Variants in ALG8 observed in about 807,000 individuals in gnomAD.
The protein encoded by ALG8 is dolichyl pyrophosphate Glc1Man9GlcNAc2 alpha-1,3-glucosyltransferase.
Under a neutral mutation model 70.2 loss-of-function variants are expected in ALG8, and 48 were observed. That is an observed-to-expected ratio of 0.68 (90% confidence interval 0.54 to 0.87). The LOEUF is 0.87. Ranked by LOEUF, ALG8 falls within the 40% of genes least tolerant of loss-of-function variation. The pLI is 0.00. For missense variants in ALG8, 572 were observed against 608.7 expected (o/e 0.94, Z 0.64); for synonymous variants, 234 against 229.0 (o/e 1.02, Z -0.20).
chr11:78,127,526 T>C, intron 1 of ALG8, 90 bp from the exon 2 acceptor site: 2 of 1,106,516 alleles, frequency 1.8e-6, no homozygotes, highest in South Asian at 1.3e-5. Flanking sequence ...TGGACTGACA[T>C]TCCCTAAGCT....
chr11:78,124,502 T>C (rs1860977900), intron 2 of ALG8, among the ~76,000 whole-genome samples: 1 of 152,214 alleles, frequency 6.6e-6, no homozygotes, highest in South Asian at 2.1e-4. Context: ...AAATATGCCC[T>C]AAATTAATAG....
chr11:78,139,016 C>A lies in ALG8; in HGVS notation c.95+478G>T, dbSNP rs528088351. ...TTTTTGAATTTCAACTCAAACATCA[C>A]CTTCTAAAGGAATAGCGCACAGCCA... On this transcript the variant is annotated intron_variant, in intron 1 of 12. Transcript: ENST00000299626. 1.2e-5 allele frequency: 4 copies of A among 347,372 alleles called. No individual in the cohort carries two copies. The East Asian group carries it at 3.0e-4, about 26-fold the overall frequency. The allele number at this position is 347,372 out of a possible 1,614,324, so 21.5% of individuals were successfully genotyped here.
At chr11:78,102,587 A>G (rs868405136) in intron 12 of ALG8, among the ~76,000 whole-genome samples, 5 of 152,214 alleles carry the variant, frequency 3.3e-5, no homozygotes, top group Admixed American at 6.5e-5. Flanking sequence ...TCACATGGCT[A>G]TAACTGCATT....
intron 2 of ALG8, among the ~76,000 whole-genome samples, chr11:78,126,294 G>A (rs1861070546): frequency 6.6e-6 from 1 of 152,118 alleles, no homozygotes; most frequent in Non-Finnish European, 1.5e-5. Context: ...AGTTTGGGAG[G>A]CCAAGGTGGG....
In ALG8 at chr11:78,116,039, G is replaced by T. The variant is rs867062213; in HGVS notation, c.547-1647C>A. Reference sequence around the variant, plus strand: ...TGCACTTGATACAAACACTACTTAGGAAAACTAAAGGTATTCTGATGTAAA... The same window carrying T: ...TGCACTTGATACAAACACTACTTAGTAAAACTAAAGGTATTCTGATGTAAA... On this transcript the variant is annotated intron_variant, in intron 5 of 12. Coordinates refer to ENST00000299626, the MANE Select transcript of ALG8 (RefSeq NM_024079.5). Among the ~76,000 whole-genome samples, 5 of 152,142 alleles carry T rather than the reference G, an allele frequency of 3.3e-5. No individual in the cohort carries two copies. In the South Asian group the frequency reaches 1.0e-3, roughly 31 times the overall value.
intron 9 of ALG8, among the ~76,000 whole-genome samples, chr11:78,109,222 C>A (rs1242840958): frequency 6.6e-6 from 1 of 152,146 alleles, no homozygotes; most frequent in Non-Finnish European, 1.5e-5. Flanking sequence ...GGTCTAACAG[C>A]CACTGGCAAG....
chr11:78,119,523 G>A (rs1447467428), intron 4 of ALG8, among the ~76,000 whole-genome samples: 2 of 150,564 alleles, frequency 1.3e-5, no homozygotes, highest in East Asian at 2.0e-4. Context: ...CTGCCTCCTG[G>A]GTCCAAGCGA....
chr11:78,128,959 T>G (rs887213559), intron 1 of ALG8, among the ~76,000 whole-genome samples: 1 of 151,992 alleles, frequency 6.6e-6, no homozygotes, highest in African/African-American at 2.4e-5. Context: ...TACTAAGTTG[T>G]GGAGACAGAC....
intron 1 of ALG8, among the ~76,000 whole-genome samples, chr11:78,134,339 T>C (rs559993548): frequency 6.4e-4 from 98 of 152,280 alleles, no homozygotes; most frequent in Middle Eastern, 3.4e-3. Flanking sequence ...GGTTTCCCCA[T>C]GTTGGCCAGG....
chr11:78,114,525 A>C, intron 5 of ALG8, 133 bp from the exon 6 acceptor site: 2 of 1,077,864 alleles, frequency 1.9e-6, no homozygotes, highest in Non-Finnish European at 2.7e-6. Flanking sequence ...AAATGCATCA[A>C]TATTGCTTTC....
chr11:78,124,214 C>T lies in ALG8; in HGVS notation c.175G>A (p.Ala59Thr). The T allele has an allele frequency of 6.2e-7, 1 of 1,613,888 alleles. No homozygotes were observed. Among genetic ancestry groups the T allele is most frequent in the African/African-American group, 1.3e-5 (1 of 74,994 alleles). ...TAATCCAACGTCCACTCTGAAGTTG[C>T]CTGTGATAAAAATAGAAGATCAGAC... ...SLPISQWYYE[A>T]TSEWTLDYPP... The change falls in exon 3 of 13, where the codon GCA becomes ACA. Residue 59 changes from alanine to threonine, a missense_variant and splice_region_variant. Transcript: ENST00000299626.
chr11:78,116,306 G>A (rs1281131136), intron 5 of ALG8, among the ~76,000 whole-genome samples: 1 of 152,142 alleles, frequency 6.6e-6, no homozygotes, highest in Non-Finnish European at 1.5e-5. Context: ...TGAGGTGGAG[G>A]TTGCAGTGAG....
intron 10 of ALG8, 53 bp downstream of exon 10, chr11:78,106,754 T>G: frequency 6.2e-7 from 1 of 1,610,212 alleles, no homozygotes; most frequent in Non-Finnish European, 8.5e-7. Flanking sequence ...AAATAGAAAA[T>G]AGGATCATTG....
Position 78,104,928 on chromosome 11 carries a change from C to T in ALG8, c.1179-475G>A, listed in dbSNP as rs525831. ...GCAGTGAGCCGAGATCGCGCCACTGCACTCCAGCCTGGGCAACAGAGCGAG... is the reference window on the plus strand; with the variant it reads ...GCAGTGAGCCGAGATCGCGCCACTGTACTCCAGCCTGGGCAACAGAGCGAG... On this transcript the variant is annotated intron_variant, in intron 10 of 12. Coordinates refer to ENST00000299626, the MANE Select transcript of ALG8 (RefSeq NM_024079.5). 6.6e-5 allele frequency among the ~76,000 whole-genome samples: 10 copies of T among 150,914 alleles called. No homozygotes were observed. The South Asian group carries it at 2.1e-3, about 32-fold the overall frequency.
rs747896000 is a variant in ALG8 at position 78,112,649 on chromosome 11, C to T, written c.898+1G>A. 1.9e-6 allele frequency: 3 copies of T among 1,613,604 alleles called. No homozygotes were observed. The highest frequency in any genetic ancestry group is 3.3e-5 in the Admixed American group (2 of 59,994). On this transcript the variant is annotated splice_donor_variant, in intron 8 of 12. Transcript: ENST00000299626. LOFTEE classifies it high-confidence loss of function. ...TGAGTAAAAAATGCTCGCTACCATA[C>T]CGATGACAGACAGCACTTTGTCCAA...
Position 78,101,208 on chromosome 11 carries a change from A to C in ALG8, c.1350-13T>G, listed in dbSNP as rs985604378. 3.7e-6 allele frequency: 6 copies of C among 1,607,116 alleles called. No homozygotes were observed. The highest frequency in any genetic ancestry group is 3.4e-6 in the Non-Finnish European group (4 of 1,174,420). The stretch of plus-strand genomic sequence containing the variant: ...AGGTTTTTCTTTTCTGAAGGAAAAA[A>C]GAGAGAAAAGTCTGATTTTAGATGA... On this transcript the variant is annotated splice_polypyrimidine_tract_variant and intron_variant, in intron 12 of 12. Transcript: ENST00000299626.
intron 8 of ALG8, among the ~76,000 whole-genome samples, chr11:78,112,159 C>G (rs1860316174): frequency 6.6e-6 from 1 of 152,082 alleles, no homozygotes; most frequent in African/African-American, 2.4e-5. Flanking sequence ...CACCTGTGGT[C>G]CCAGCAACTC....
chr11:78,121,061 A>G lies in ALG8; in HGVS notation c.478+4T>C. On this transcript the variant is annotated splice_donor_region_variant and intron_variant, in intron 4 of 12. Transcript: ENST00000299626. ...GGGAATAGTACATAGAATATCAAGG[A>G]TACGGTCCACAATTAATAACCCGAA... The G allele has an allele frequency of 6.2e-7, 1 of 1,606,368 alleles. No individual in the cohort carries two copies. The highest frequency in any genetic ancestry group is 8.5e-7 in the Non-Finnish European group (1 of 1,173,214).
chr11:78,127,317 A>T, intron 2 of ALG8, 41 bp downstream of exon 2: 1 of 1,480,276 alleles, frequency 6.8e-7, no homozygotes, highest in Non-Finnish European at 9.2e-7. Flanking sequence ...CCTAGTTTAT[A>T]GATGAATCTT....
Sources: gnomAD v4.1 joint callset for allele counts (sites outside exome capture counted in the v4.1 genomes callset) on GRCh38, gnomAD v4.1.1 for gene constraint, MANE v1.5 for transcripts, NCBI Gene and HGNC (gene_info 2026-07-23, HGNC 2026-07-21) for gene names.